Variants in RPS3A observed in about 807,000 individuals in gnomAD.
RPS3A encodes the protein ribosomal protein S3A.
A neutral mutation model predicts 26.4 loss-of-function variants in RPS3A; 1 was observed. The observed-to-expected ratio is 0.04, with a 90% CI of 0.01 to 0.18. The LOEUF (loss-of-function observed/expected upper bound fraction) is 0.18. Ranked by LOEUF, RPS3A falls within the 10% of genes least tolerant of loss-of-function variation. RPS3A has a pLI of 1.00. For missense variants in RPS3A, 139 were observed against 326.8 expected (o/e 0.43, Z 4.43); for synonymous variants, 97 against 106.1 (o/e 0.91, Z 0.53).
rs759138828 is a variant in RPS3A at position 151,100,958 on chromosome 4, GT to G, written c.167-10del. On this transcript the variant is annotated splice_polypyrimidine_tract_variant and intron_variant, in intron 2 of 5. Transcript: ENST00000274065. ...ATGGTTCCTAAATGTTAAGATACTT[GT>G]TTTTTTCTTTTGTAGAAATTGCATC... 38 of 1,555,828 alleles carry G rather than the reference GT, an allele frequency of 2.4e-5. No homozygotes were observed. The highest frequency in any genetic ancestry group is 3.2e-5 in the Non-Finnish European group (37 of 1,150,012).
rs531329538 is a variant in RPS3A at position 151,099,897 on chromosome 4, C to G, written c.62+183C>G. ...TGTTGAGTAGCGGCAGGTCGGCTGC[C>G]TTTCCCAGGCCTTCTGGTCCTTGCG... On this transcript the variant is annotated intron_variant, in intron 1 of 5. Coordinates refer to ENST00000274065, the MANE Select transcript of RPS3A (RefSeq NM_001006.5). 7 of 675,328 alleles carry G rather than the reference C, an allele frequency of 1.0e-5. No individual in the cohort carries two copies. In the East Asian group the frequency reaches 1.5e-4, roughly 14 times the overall value. 41.8% of individuals were successfully genotyped at this position (675,328 alleles called of 1,614,324 possible). A position where few individuals can be genotyped will look rare whatever the true frequency, so the allele number is the denominator to read the frequency against.
intron 4 of RPS3A, chr4:151,103,751 T>G (rs1014082652): frequency 2.5e-6 from 3 of 1,186,736 alleles, no homozygotes; most frequent in Non-Finnish European, 3.2e-6. Flanking sequence ...ATAAAAAATA[T>G]ACGTATATAT....
At position 151,104,609 on chromosome 4, in the gene RPS3A, T is replaced by C; in HGVS notation, c.*16T>C. ...ATCTGTTTAAAGTTCAGACTTCAAA[T>C]AGTGGCAAATAAAAAGTGCTATTTG... On this transcript the variant is annotated 3_prime_UTR_variant, in exon 6 of 6. Coordinates refer to ENST00000274065, the MANE Select transcript of RPS3A (RefSeq NM_001006.5). 6.4e-7 allele frequency: 1 copy of C among 1,562,956 alleles called. No individual in the cohort carries two copies.
In RPS3A at chr4:151,102,981, T is replaced by C. The variant is rs765983941; in HGVS notation, c.465T>C (p.Tyr155=). The change falls in exon 4 of 6, where the codon TAT becomes TAC. Residue 155 remains tyrosine, a synonymous_variant. Coordinates refer to ENST00000274065, the MANE Select transcript of RPS3A (RefSeq NM_001006.5). ...ACAATCAGATACGGAAGACCTCTTA[T>C]GCTCAGCACCAACAGGTCCGCCAAA... ...KRNNQIRKTS[Y]AQHQQVRQIR... 31 of 1,605,290 alleles carry C rather than the reference T, an allele frequency of 1.9e-5. No homozygotes were observed. The highest frequency in any genetic ancestry group is 1.6e-4 in the East Asian group (7 of 44,884).
intron 1 of RPS3A, chr4:151,100,278 A>T: frequency 1.8e-6 from 1 of 555,964 alleles, no homozygotes; most frequent in Non-Finnish European, 3.2e-6. Context: ...GGAAGTGGAC[A>T]TAACCTTTCA....
rs144126210 is a variant in RPS3A, at chr4:151,102,978, T to C, written c.462T>C (p.Ser154=). The change falls in exon 4 of 6, where the codon TCT becomes TCC. Residue 154 remains serine, a synonymous_variant. Coordinates refer to ENST00000274065, the MANE Select transcript of RPS3A (RefSeq NM_001006.5). ...KKRNNQIRKT[S]YAQHQQVRQI... ...GCAACAATCAGATACGGAAGACCTC[T>C]TATGCTCAGCACCAACAGGTCCGCC... The C allele has an allele frequency of 2.7e-4, 426 of 1,605,906 alleles. No individual in the cohort carries two copies. The highest frequency in any genetic ancestry group is 1.3e-3 in the Middle Eastern group (8 of 6,060).
rs1318251250 is a variant in RPS3A, at chr4:151,104,602, C to A, written c.*9C>A. The A allele has an allele frequency of 6.4e-7, 1 of 1,562,824 alleles. No homozygotes were observed. Among genetic ancestry groups the A allele is most frequent in the African/African-American group, 1.4e-5 (1 of 72,200 alleles). ...TCCAAGAATCTGTTTAAAGTTCAGA[C>A]TTCAAATAGTGGCAAATAAAAAGTG... On this transcript the variant is annotated 3_prime_UTR_variant, in exon 6 of 6. Transcript: ENST00000274065.
chr4:151,100,275 G>C (rs1650245460), intron 1 of RPS3A, among the ~76,000 whole-genome samples: 1 of 152,200 alleles, frequency 6.6e-6, no homozygotes. Context: ...GTGGGAAGTG[G>C]ACATAACCTT....
rs1747195387 is a variant in RPS3A, at chr4:151,102,921, T to C, written c.405T>C (p.Leu135=). ...TCAAGACTACCGATGGTTACTTGCTTCGTCTGTTCTGTGTTGGTTTTACTA... is the reference window on the plus strand; with the variant it reads ...TCAAGACTACCGATGGTTACTTGCTCCGTCTGTTCTGTGTTGGTTTTACTA... ...VDVKTTDGYL[L]RLFCVGFTKK... The change falls in exon 4 of 6, where the codon CTT becomes CTC. Residue 135 remains leucine, a synonymous_variant. Coordinates refer to ENST00000274065, the MANE Select transcript of RPS3A (RefSeq NM_001006.5). The C allele has an allele frequency of 5.0e-6, 8 of 1,612,202 alleles. No individual in the cohort carries two copies. The East Asian group carries it at 1.8e-4, about 36-fold the overall frequency.
Position 151,099,629 on chromosome 4 carries a change from C to G in RPS3A, c.-24C>G. On this transcript the variant is annotated 5_prime_UTR_variant, in exon 1 of 6. Coordinates refer to ENST00000274065, the MANE Select transcript of RPS3A (RefSeq NM_001006.5). ...GTTCTCGCGCGACTCCCACTTCCGC[C>G]CTTTTGGCTCTCTGACCAGCACCAT... 1 of 1,612,186 alleles carries G rather than the reference C, an allele frequency of 6.2e-7. No individual in the cohort carries two copies. Among genetic ancestry groups the G allele is most frequent in the South Asian group, 1.1e-5 (1 of 90,846 alleles).
intron 5 of RPS3A, 22 bp from the exon 6 acceptor site, chr4:151,104,450 T>TTTTTTTTTTTTTTTTTTC: frequency 7.2e-7 from 1 of 1,397,996 alleles, no homozygotes. Flanking sequence ...TTTTTTTTTT[T>TTTTTTTTTTTTTTTTTTC]TTTTTTTTTT....
chr4:151,101,616 C>T lies in RPS3A; in HGVS notation c.354+454C>T, dbSNP rs79251440. Among the ~76,000 whole-genome samples the T allele has an allele frequency of 6.0e-3, 919 of 152,246 alleles. 5 individuals are homozygous for T. Among genetic ancestry groups the T allele is most frequent in the African/African-American group, 0.02 (846 of 41,530 alleles). On this transcript the variant is annotated intron_variant, in intron 3 of 5. Transcript: ENST00000274065. The stretch of plus-strand genomic sequence containing the variant: ...TTCTCGTTGGAAAGTAACTTGTTTT[C>T]TAAGCCTCGGTTTCTTTATTTGTAA...
At position 151,104,211 on chromosome 4, in the gene RPS3A, G is replaced by T. The variant is rs781597345; in HGVS notation, c.598G>T (p.Ala200Ser). 1.2e-6 allele frequency: 2 copies of T among 1,611,950 alleles called. No individual in the cohort carries two copies. The highest frequency in any genetic ancestry group is 1.7e-5 in the Admixed American group (1 of 59,664). ...PDSIGKDIEK[A>S]CQSIYPLHDV... ...CAGCATTGGAAAAGACATAGAAAAGGCTTGCCAATCTATTTATCCTCTCCA... is the reference window on the plus strand; with the variant it reads ...CAGCATTGGAAAAGACATAGAAAAGTCTTGCCAATCTATTTATCCTCTCCA... The change falls in exon 5 of 6, where the codon GCT becomes TCT. Residue 200 changes from alanine to serine, a missense_variant. This residue lies in a region of RPS3A where 96 missense variants were observed against 209.8 expected (regional missense o/e 0.46). Transcript: ENST00000274065.
In RPS3A at chr4:151,104,303, A is replaced by G. The variant is rs998051224; in HGVS notation, c.673+17A>G. 2.5e-6 allele frequency: 4 copies of G among 1,612,002 alleles called. No homozygotes were observed. The highest frequency in any genetic ancestry group is 1.3e-5 in the African/African-American group (1 of 74,958). On this transcript the variant is annotated intron_variant, in intron 5 of 5. Coordinates refer to ENST00000274065, the MANE Select transcript of RPS3A (RefSeq NM_001006.5). Reference sequence around the variant, plus strand: ...AGTTTGAATGTAAGTGAGAAATCACATGATTCCTGTAGGGCCAAATACATT... The same window carrying G: ...AGTTTGAATGTAAGTGAGAAATCACGTGATTCCTGTAGGGCCAAATACATT...
At chr4:151,104,338 T>G (rs750809093) in intron 5 of RPS3A, 52 bp downstream of exon 5, 1 of 1,586,814 alleles carries the variant, frequency 6.3e-7, no homozygotes, top group Non-Finnish European at 8.6e-7. Flanking sequence ...TGTTTTTGGG[T>G]GGAGGAGGAG....
chr4:151,100,127 C>T (rs1030779004), intron 1 of RPS3A, among the ~76,000 whole-genome samples: 1 of 152,190 alleles, frequency 6.6e-6, no homozygotes, highest in East Asian at 1.9e-4. Context: ...AGCTTTGGGG[C>T]CATGCAGTCT....
At chr4:151,102,497 C>T (rs777431600) in intron 3 of RPS3A, among the ~76,000 whole-genome samples, 2 of 151,954 alleles carry the variant, frequency 1.3e-5, no homozygotes, top group Non-Finnish European at 2.9e-5. Flanking sequence ...CCATAGAATA[C>T]CATGGATCCT....
At position 151,104,156 on chromosome 4, in the gene RPS3A, TTTACTG is replaced by T. The variant is rs1747260439; in HGVS notation, c.564-14_564-9del. On this transcript the variant is annotated splice_polypyrimidine_tract_variant and intron_variant, in intron 4 of 5. Coordinates refer to ENST00000274065, the MANE Select transcript of RPS3A (RefSeq NM_001006.5). Reference sequence around the variant, plus strand: ...GAGAACTAGGACTTTTAGAAAAAAATTTACTGTTACTGGTTTGCAGGATTCCAGACA... The same window carrying T: ...GAGAACTAGGACTTTTAGAAAAAAATTTACTGGTTTGCAGGATTCCAGACA... 2.5e-6 allele frequency: 4 copies of T among 1,588,334 alleles called. No individual in the cohort carries two copies. Among genetic ancestry groups the T allele is most frequent in the Non-Finnish European group, 3.4e-6 (4 of 1,173,512 alleles).
At chr4:151,100,929 T>G in intron 2 of RPS3A, 46 bp from the exon 3 acceptor site, 1 of 1,390,986 alleles carries the variant, frequency 7.2e-7, no homozygotes, top group South Asian at 1.3e-5. Flanking sequence ...TTGACTTTGC[T>G]TATATGGTTC....
Sources: gnomAD v4.1 joint callset for allele counts (sites outside exome capture counted in the v4.1 genomes callset) on GRCh38, gnomAD v4.1.1 for gene constraint, gnomAD v4.1.1 regional missense constraint, MANE v1.5 for transcripts, NCBI Gene and HGNC (gene_info 2026-07-23, HGNC 2026-07-21) for gene names.